NKAIN2: variants seen among roughly 807,000 people sequenced by gnomAD.
NKAIN2 encodes the protein sodium/potassium transporting ATPase interacting 2, also known as sodium/potassium-transporting ATPase subunit beta-1-interacting protein 2.
NKAIN2 carries 14 observed loss-of-function variants against 32.6 expected under a neutral mutation model. That is an observed-to-expected ratio of 0.43 (90% CI 0.28 to 0.67). NKAIN2 has a LOEUF of 0.67. NKAIN2 is among the 30% of genes least tolerant of loss of function. The pLI is 0.17. For synonymous variants in NKAIN2, 80 were observed against 87.2 expected (o/e 0.92, Z 0.46); for missense variants, 198 against 258.3 (o/e 0.77, Z 1.60).
At chr6:124,229,998 C>G (rs969334137) in intron 1 of NKAIN2, among the ~76,000 whole-genome samples, 1 of 152,066 alleles carries the variant, frequency 6.6e-6, no homozygotes, top group Non-Finnish European at 1.5e-5. Flanking sequence ...AGAGGTTGAA[C>G]AGTTTAGAGG....
At chr6:123,958,413 T>A (rs946730577) in intron 1 of NKAIN2, among the ~76,000 whole-genome samples, 2 of 152,208 alleles carry the variant, frequency 1.3e-5, no homozygotes, top group Admixed American at 6.5e-5. Flanking sequence ...TGGAGCCATC[T>A]GTTACACCTG....
chr6:124,381,682 T>C (rs1037155994), intron 3 of NKAIN2, among the ~76,000 whole-genome samples: 1 of 152,156 alleles, frequency 6.6e-6, no homozygotes, highest in African/African-American at 2.4e-5. Flanking sequence ...AGACAGTACA[T>C]GGAGACTGAA....
chr6:123,978,575 C>T (rs758595336), intron 1 of NKAIN2, among the ~76,000 whole-genome samples: 4 of 152,050 alleles, frequency 2.6e-5, no homozygotes, highest in Non-Finnish European at 4.4e-5. Flanking sequence ...CCTAGTCTCC[C>T]AGAAAAATGA....
intron 2 of NKAIN2, among the ~76,000 whole-genome samples, chr6:124,286,683 T>C (rs74804492): frequency 0.012 from 1,093 of 89,410 alleles, 13 homozygotes; most frequent in African/African-American, 0.1. Context: ...TGCGCGCGCG[T>C]GTGTGTGTGT....
chr6:124,352,222 T>C (rs1798766801), intron 2 of NKAIN2, among the ~76,000 whole-genome samples: 1 of 152,236 alleles, frequency 6.6e-6, no homozygotes, highest in Non-Finnish European at 1.5e-5. Flanking sequence ...TTACCTTTCA[T>C]ATGCTTTCAT....
chr6:123,936,066 C>T (rs1374242366), intron 1 of NKAIN2, among the ~76,000 whole-genome samples: 6 of 152,128 alleles, frequency 3.9e-5, no homozygotes, highest in Non-Finnish European at 8.8e-5. Flanking sequence ...CTGACTGCAT[C>T]CACTATTACA....
chr6:124,363,378 G>A (rs1799379096), intron 3 of NKAIN2, among the ~76,000 whole-genome samples: 1 of 152,080 alleles, frequency 6.6e-6, no homozygotes, highest in Admixed American at 6.6e-5. Flanking sequence ...GTTTCTGGTT[G>A]GGGCAGGAGG....
chr6:123,930,673 A>C (rs1776213678), intron 1 of NKAIN2, among the ~76,000 whole-genome samples: 1 of 152,180 alleles, frequency 6.6e-6, no homozygotes, highest in South Asian at 2.1e-4. Context: ...GGAGAGAGGA[A>C]TCTTCCCCTG....
At chr6:124,393,752 C>T (rs141634792) in intron 3 of NKAIN2, among the ~76,000 whole-genome samples, 8 of 152,230 alleles carry the variant, frequency 5.3e-5, no homozygotes, top group Middle Eastern at 3.4e-3. Flanking sequence ...GTCATGCATG[C>T]GTAATGGCTG....
intron 4 of NKAIN2, among the ~76,000 whole-genome samples, chr6:124,765,241 G>A (rs759307443): frequency 4.6e-5 from 7 of 152,248 alleles, no homozygotes; most frequent in East Asian, 1.9e-4. Context: ...GCTTCTCTCC[G>A]TTCTGTAAGA....
At chr6:124,064,002 G>A (rs1019416057) in intron 1 of NKAIN2, among the ~76,000 whole-genome samples, 2 of 151,194 alleles carry the variant, frequency 1.3e-5, no homozygotes, top group South Asian at 4.2e-4. Context: ...CCAGGCTGGA[G>A]TGCAGTGGTA....
chr6:124,731,024 C>A (rs1002827555), intron 4 of NKAIN2, among the ~76,000 whole-genome samples: 1 of 145,314 alleles, frequency 6.9e-6, no homozygotes, highest in African/African-American at 2.6e-5. Context: ...CCATCTCACA[C>A]CAGGTAGAAT....
At chr6:124,035,776 T>C (rs1781583479) in intron 1 of NKAIN2, among the ~76,000 whole-genome samples, 1 of 152,124 alleles carries the variant, frequency 6.6e-6, no homozygotes, top group Non-Finnish European at 1.5e-5. Flanking sequence ...TATTAAAACA[T>C]TTTTCTTTTA....
Position 124,603,231 on chromosome 6 carries a change from C to T in NKAIN2, c.274-54955C>T, listed in dbSNP as rs184520048. ...ATAACTTCATGCATCCTAGTATTTT[C>T]CCTGTTCCCTGCTACTGAAAATGAT... On this transcript the variant is annotated intron_variant, in intron 3 of 6. Coordinates refer to ENST00000368417, the MANE Select transcript of NKAIN2 (RefSeq NM_001040214.3). Among the ~76,000 whole-genome samples, 377 of 152,008 alleles carry T rather than the reference C, an allele frequency of 2.5e-3. 2 individuals carry two copies. Among genetic ancestry groups the T allele is most frequent in the African/African-American group, 8.7e-3 (363 of 41,522 alleles).
chr6:124,167,146 A>G (rs1477865162), intron 1 of NKAIN2, among the ~76,000 whole-genome samples: 2 of 145,964 alleles, frequency 1.4e-5, no homozygotes, highest in African/African-American at 5.1e-5. Flanking sequence ...CTTCCTACCC[A>G]TGAGCATGGA....
At chr6:124,076,859 G>A (rs1317188143) in intron 1 of NKAIN2, among the ~76,000 whole-genome samples, 1 of 152,114 alleles carries the variant, frequency 6.6e-6, no homozygotes, top group Non-Finnish European at 1.5e-5. Context: ...AGCTCATATA[G>A]GTTTTACAAT....
intron 3 of NKAIN2, among the ~76,000 whole-genome samples, chr6:124,404,389 T>C (rs533365994): frequency 1.2e-4 from 18 of 152,306 alleles, no homozygotes; most frequent in African/African-American, 4.1e-4. Flanking sequence ...CTGCCAATGT[T>C]TCCTCTCAGC....
intron 2 of NKAIN2, among the ~76,000 whole-genome samples, chr6:124,287,211 T>G: frequency 6.6e-6 from 1 of 152,222 alleles, no homozygotes; most frequent in East Asian, 1.9e-4. Flanking sequence ...AAGATAAGTC[T>G]TCATTATCCT....
chr6:124,536,262 T>C (rs999764057), intron 3 of NKAIN2, among the ~76,000 whole-genome samples: 1 of 152,202 alleles, frequency 6.6e-6, no homozygotes. Flanking sequence ...TCTTTGCAAC[T>C]GAGTCTTTAT....
Sources: allele counts gnomAD v4.1 joint callset (sites outside exome capture counted in the v4.1 genomes callset), GRCh38; gene constraint gnomAD v4.1.1; transcripts MANE v1.5; gene names NCBI Gene and HGNC (gene_info 2026-07-23, HGNC 2026-07-21).